IRAG1: variants seen among roughly 807,000 people sequenced by gnomAD.
The protein encoded by IRAG1 is IP3R-associated cGMP kinase substrate.
A neutral mutation model predicts 106.2 loss-of-function variants in IRAG1; 62 were observed. The observed-to-expected ratio is 0.58, with a 90% CI of 0.48 to 0.72. IRAG1 has a LOEUF of 0.72. Among genes scored for constraint, IRAG1 ranks in the 30% least tolerant of loss-of-function variants. IRAG1 has a pLI of 0.00. For missense variants in IRAG1, 1,064 were observed against 1,140.7 expected, an observed-to-expected ratio of 0.93 and a Z score of 0.97; for synonymous variants, 462 against 443.9, an observed-to-expected ratio of 1.04 and a Z score of -0.51.
intron 1 of IRAG1, 74 bp from the exon 2 acceptor site, chr11:10,652,256 C>T (rs775658339): frequency 6.3e-6 from 10 of 1,582,916 alleles, no homozygotes; most frequent in Admixed American, 1.7e-5. Flanking sequence ...TTCCCGGAGC[C>T]ACAAGCCACA....
rs139586487 is a variant in IRAG1 at position 10,680,674 on chromosome 11, G to A, written c.67+12862C>T. The stretch of plus-strand genomic sequence containing the variant: ...CATTGGCCCTGGAGCTGGGCTGCCC[G>A]GGTTCATATCCCAGCCCTGCCATGT... On this transcript the variant is annotated intron_variant, in intron 1 of 20. Transcript: ENST00000423302. Among the ~76,000 whole-genome samples, 757 of 152,148 alleles carry A rather than the reference G, an allele frequency of 5.0e-3. 12 individuals are homozygous for A. The highest frequency in any genetic ancestry group is 0.018 in the African/African-American group (737 of 41,498).
intron 1 of IRAG1, among the ~76,000 whole-genome samples, chr11:10,682,804 G>T (rs1179563532): frequency 1.3e-5 from 2 of 152,180 alleles, no homozygotes; most frequent in African/African-American, 4.8e-5. Flanking sequence ...CCCTTCTTTA[G>T]TAAGAACCCC....
intron 1 of IRAG1, among the ~76,000 whole-genome samples, chr11:10,684,613 T>C (rs866079532): frequency 0.016 from 2,259 of 136,922 alleles, 34 homozygotes; most frequent in African/African-American, 0.03. Context: ...ATAATAATAA[T>C]AATAATAATA....
chr11:10,683,813 C>T lies in IRAG1; in HGVS notation c.67+9723G>A, dbSNP rs140563073. Among the ~76,000 whole-genome samples, 1,338 of 151,724 alleles carry T rather than the reference C, an allele frequency of 8.8e-3. 11 individuals carry two copies. Among genetic ancestry groups the T allele is most frequent in the Middle Eastern group, 0.044 (13 of 294 alleles). On this transcript the variant is annotated intron_variant, in intron 1 of 20. Transcript: ENST00000423302. ...CTGGTAATACGATTTTCTTCTCTTT[C>T]CCCTTGAAGAAGCACATAGAATCAT...
chr11:10,642,600 C>A (rs773227413), intron 2 of IRAG1, among the ~76,000 whole-genome samples: 5 of 152,198 alleles, frequency 3.3e-5, no homozygotes, highest in Non-Finnish European at 7.3e-5. Flanking sequence ...AGAATCCCAC[C>A]TGGGTGACCT....
Position 10,600,948 on chromosome 11 carries a change from G to T in IRAG1, c.1987C>A (p.Gln663Lys). The T allele has an allele frequency of 6.2e-7, 1 of 1,614,082 alleles. No individual in the cohort carries two copies. The change falls in exon 15 of 21, where the codon CAG becomes AAG. Residue 663 changes from glutamine to lysine, a missense_variant. Transcript: ENST00000423302. ...ELMEFKKLANQNSSRSCGPSE... is the reference protein window; with the variant it reads ...ELMEFKKLANKNSSRSCGPSE... The stretch of plus-strand genomic sequence containing the variant: ...GGGCCACAGCTGCGGCTTGAATTCT[G>T]ATTTGCAAGCTTTTTAAACTCCATG...
intron 10 of IRAG1, among the ~76,000 whole-genome samples, chr11:10,621,580 C>T (rs1403164738): frequency 6.6e-6 from 1 of 152,174 alleles, no homozygotes; most frequent in Non-Finnish European, 1.5e-5. Context: ...AAATGTTGTG[C>T]AGCTTAAAAA....
At chr11:10,678,011 G>GTCTGTCTATCTATCTA (rs1491365322) in intron 1 of IRAG1, among the ~76,000 whole-genome samples, 80 of 142,176 alleles carry the variant, frequency 5.6e-4, no homozygotes, top group African/African-American at 1.9e-3. Flanking sequence ...CTCTCTATCT[G>GTCTGTCTATCTATCTA]TCTATCTATC....
At chr11:10,687,705 G>A (rs1431851209) in intron 1 of IRAG1, 1 of 1,288,392 alleles carries the variant, frequency 7.8e-7, no homozygotes, top group Non-Finnish European at 1.0e-6. Flanking sequence ...TGTTTTTGGA[G>A]TTGAGAATAG....
chr11:10,670,618 GT>G (rs1860141503), intron 1 of IRAG1, among the ~76,000 whole-genome samples: 1 of 152,178 alleles, frequency 6.6e-6, no homozygotes, highest in African/African-American at 2.4e-5. Context: ...ACTCCTCCTA[GT>G]TCTTATGTCA....
At chr11:10,613,340 T>C (rs943010998) in intron 10 of IRAG1, among the ~76,000 whole-genome samples, 1 of 151,266 alleles carries the variant, frequency 6.6e-6, no homozygotes, top group Non-Finnish European at 1.5e-5. Flanking sequence ...GGTCCCAGCT[T>C]TCTCCATAAC....
chr11:10,600,966 A>C lies in IRAG1; in HGVS notation c.1969T>G (p.Phe657Val). 6.2e-7 allele frequency: 1 copy of C among 1,613,872 alleles called. No individual in the cohort carries two copies. The highest frequency in any genetic ancestry group is 1.3e-5 in the African/African-American group (1 of 75,006). Reference sequence around the variant, plus strand: ...GAATTCTGATTTGCAAGCTTTTTAAACTCCATGAGCTCCGCATGGTCCTTC... The same window carrying C: ...GAATTCTGATTTGCAAGCTTTTTAACCTCCATGAGCTCCGCATGGTCCTTC... ...YEKDHAELME[F>V]KKLANQNSSR... Residue 657 changes from phenylalanine (F) to valine (V), a missense_variant, in exon 15 of 21, where the codon TTT becomes GTT. Transcript: ENST00000423302.
At chr11:10,670,880 T>C (rs556465808) in intron 1 of IRAG1, among the ~76,000 whole-genome samples, 2 of 152,360 alleles carry the variant, frequency 1.3e-5, no homozygotes, top group South Asian at 4.1e-4. Flanking sequence ...CCAGACCTGC[T>C]GATACCTTGA....
At chr11:10,596,050 G>C (rs1228277971) in intron 15 of IRAG1, among the ~76,000 whole-genome samples, 3 of 152,176 alleles carry the variant, frequency 2.0e-5, no homozygotes, top group African/African-American at 7.2e-5. Flanking sequence ...TGGCTGCATA[G>C]TATTCCATGG....
At chr11:10,625,696 C>T (rs1856192076) in intron 9 of IRAG1, among the ~76,000 whole-genome samples, 1 of 152,074 alleles carries the variant, frequency 6.6e-6, no homozygotes, top group Non-Finnish European at 1.5e-5. Context: ...ACACGTCTGC[C>T]TTCCCCTGAG....
chr11:10,580,232 T>C (rs1851252640), intron 20 of IRAG1, among the ~76,000 whole-genome samples: 1 of 152,214 alleles, frequency 6.6e-6, no homozygotes, highest in Admixed American at 6.5e-5. Flanking sequence ...CCCTGACCTC[T>C]CAAGCTCTTG....
chr11:10,586,570 A>G (rs1852027973), intron 18 of IRAG1, among the ~76,000 whole-genome samples: 1 of 152,076 alleles, frequency 6.6e-6, no homozygotes, highest in Non-Finnish European at 1.5e-5. Flanking sequence ...GGCGTGCACC[A>G]TCACGCCTGG....
chr11:10,662,337 T>C (rs1589939445), intron 1 of IRAG1, among the ~76,000 whole-genome samples: 1 of 152,156 alleles, frequency 6.6e-6, no homozygotes, highest in Non-Finnish European at 1.5e-5. Context: ...CCCAGGTTAA[T>C]GGCCAAGTTT....
chr11:10,656,477 G>A (rs1257911126), intron 1 of IRAG1, among the ~76,000 whole-genome samples: 1 of 152,196 alleles, frequency 6.6e-6, no homozygotes, highest in Non-Finnish European at 1.5e-5. Flanking sequence ...AGTAATTTGT[G>A]CAACTGAAGA....
Sources: gnomAD v4.1 joint callset for allele counts (sites outside exome capture counted in the v4.1 genomes callset) on GRCh38, gnomAD v4.1.1 for gene constraint, MANE v1.5 for transcripts, NCBI Gene and HGNC (gene_info 2026-07-23, HGNC 2026-07-21) for gene names.